PCGF2: variants seen among roughly 807,000 people sequenced by gnomAD.
The protein encoded by PCGF2 is polycomb group RING finger protein 2.
Under a neutral mutation model 36.1 loss-of-function variants are expected in PCGF2, and 8 were observed. That is an observed-to-expected ratio of 0.22 (90% CI 0.13 to 0.40). PCGF2 has a LOEUF of 0.40. Ranked by LOEUF, PCGF2 falls within the 10% of genes least tolerant of loss-of-function variation. The pLI is 1.00. For missense variants in PCGF2, 436 were observed against 475.9 expected (o/e 0.92, Z 0.78); for synonymous variants, 198 against 191.2 (o/e 1.04, Z -0.29).
At chr17:38,749,346 G>T (rs1907770617), upstream of PCGF2, 2 of 244,446 alleles carry the variant, frequency 8.2e-6, no homozygotes, top group Non-Finnish European at 1.7e-5. The surrounding 1 kb of genome is among the most constrained non-coding windows in gnomAD (Gnocchi z 6.5). Flanking sequence ...GACTCCCACT[G>T]GCGCCCCGGC....
chr17:38,749,114 G>A (rs931512210), upstream of PCGF2, among the ~76,000 whole-genome samples: 2 of 152,228 alleles, frequency 1.3e-5, no homozygotes, highest in Admixed American at 6.5e-5. The surrounding 1 kb of genome is among the most constrained non-coding windows in gnomAD (Gnocchi z 6.5). Flanking sequence ...GCTGAGGATG[G>A]GAACTCAGGC....
At chr17:38,740,497 C>A in intron 2 of PCGF2, 55 bp from the exon 3 acceptor site, 3 of 1,370,052 alleles carry the variant, frequency 2.2e-6, no homozygotes, top group African/African-American at 1.4e-5. Flanking sequence ...CGGTGGTTCA[C>A]GCCTGTAATC....
chr17:38,738,224 C>A (rs1261233385), intron 9 of PCGF2, 129 bp downstream of exon 9: 2 of 750,972 alleles, frequency 2.7e-6, no homozygotes, highest in East Asian at 5.4e-5. Context: ...CTTCTGTTAA[C>A]GCATGGGCTC....
intron 2 of PCGF2, among the ~76,000 whole-genome samples, chr17:38,744,636 A>G (rs1366145904): frequency 6.6e-6 from 1 of 152,032 alleles, no homozygotes; most frequent in Non-Finnish European, 1.5e-5. Context: ...GATTACAGGC[A>G]TGAGCCACCA....
Position 38,735,346 on chromosome 17 carries a change from C to G in PCGF2, c.912G>C (p.Ser304=), listed in dbSNP as rs999482989. 8 of 1,556,302 alleles carry G rather than the reference C, an allele frequency of 5.1e-6. No individual in the cohort carries two copies. In the African/African-American group the frequency reaches 8.1e-5, roughly 16 times the overall value. The part of the protein sequence containing the change: ...ATHPTSPTPP[S]TASGATTAAN... Reference sequence around the variant, plus strand: ...CAGCTGTGGTGGCCCCACTGGCTGTCGAAGGGGGAGTGGGGGAGGTAGGGT... The same window carrying G: ...CAGCTGTGGTGGCCCCACTGGCTGTGGAAGGGGGAGTGGGGGAGGTAGGGT... Residue 304 remains serine (S), a synonymous_variant, in exon 11 of 11, where the codon TCG becomes TCC. Transcript: ENST00000620225.
At chr17:38,740,491 G>A (rs1029441272) in intron 2 of PCGF2, 49 bp from the exon 3 acceptor site, 9 of 1,424,294 alleles carry the variant, frequency 6.3e-6, no homozygotes, top group Admixed American at 2.1e-5. Context: ...CGGGCGCGGT[G>A]GTTCACGCCT....
chr17:38,736,431 C>A (rs140447622), intron 9 of PCGF2, among the ~76,000 whole-genome samples: 7 of 152,312 alleles, frequency 4.6e-5, no homozygotes, highest in East Asian at 3.9e-4. Flanking sequence ...CTGTCTGGGT[C>A]TCCTATCTCT....
Position 38,735,089 on chromosome 17 carries a change from ATT to A in PCGF2, c.*132_*133del. 5.6e-6 allele frequency: 3 copies of A among 531,776 alleles called. No individual in the cohort carries two copies. Among genetic ancestry groups the A allele is most frequent in the Non-Finnish European group, 9.3e-6 (3 of 322,630 alleles). The allele number at this position is 531,776 out of a possible 1,614,324, so 32.9% of individuals were successfully genotyped here. On this transcript the variant is annotated 3_prime_UTR_variant, in exon 11 of 11. Transcript: ENST00000620225. ...TTTTCCTATGTACATATATATATATATTTATTTATAAAACCCGCCCCCCACCC... is the reference window on the plus strand; with the variant it reads ...TTTTCCTATGTACATATATATATATATATTTATAAAACCCGCCCCCCACCC...
chr17:38,748,935 C>T (rs571466610), upstream of PCGF2, among the ~76,000 whole-genome samples: 1 of 152,176 alleles, frequency 6.6e-6, no homozygotes, highest in African/African-American at 2.4e-5. Flanking sequence ...GCGCTGGCCC[C>T]GAAAAGCGGC....
chr17:38,734,205 G>A lies in PCGF2; in HGVS notation c.*1018C>T, dbSNP rs1229959423. On this transcript the variant is annotated 3_prime_UTR_variant, in exon 11 of 11. Coordinates refer to ENST00000620225, the MANE Select transcript of PCGF2 (RefSeq NM_007144.3). The stretch of plus-strand genomic sequence containing the variant: ...AGAGCTTACAGGTTTCTGTCTTCTT[G>A]TGCTTTTAGATGCAGTTGCTCTGTC... 1.3e-5 allele frequency: 2 copies of A among 152,568 alleles called. No individual in the cohort carries two copies. Among genetic ancestry groups the A allele is most frequent in the African/African-American group, 2.4e-5 (1 of 41,420 alleles). 9.5% of individuals were successfully genotyped at this position (152,568 alleles called of 1,614,324 possible). A position where few individuals can be genotyped will look rare whatever the true frequency, so the allele number is the denominator to read the frequency against.
At position 38,739,987 on chromosome 17, in the gene PCGF2, C is replaced by A. The variant is rs1192288905; in HGVS notation, c.112+304G>T. On this transcript the variant is annotated intron_variant, in intron 3 of 10. Coordinates refer to ENST00000620225, the MANE Select transcript of PCGF2 (RefSeq NM_007144.3). The surrounding 1 kb of genome is among the most constrained non-coding windows in gnomAD (Gnocchi z 4.0). ...TTCAAGATGCCTCTGAGTCCCACCC[C>A]CCTGCTGCCAAGCCCACAGTGCAAA... Among the ~76,000 whole-genome samples the A allele has an allele frequency of 6.6e-6, 1 of 152,162 alleles. No individual in the cohort carries two copies. The highest frequency in any genetic ancestry group is 1.9e-4 in the East Asian group (1 of 5,194).
At position 38,747,885 on chromosome 17, in the gene PCGF2, AC is replaced by A. The variant is rs2143167870; in HGVS notation, c.-48del. On this transcript the variant is annotated 5_prime_UTR_variant, in exon 2 of 11. Transcript: ENST00000620225. ...GGACCTTCCCCCTCGCTACCTCGGA[AC>A]AGGGTCTGCCCGGGGGCTGCTGCAC... The A allele has an allele frequency of 6.5e-6, 1 of 152,804 alleles. No individual in the cohort carries two copies. The highest frequency in any genetic ancestry group is 2.4e-5 in the African/African-American group (1 of 41,580). The allele number at this position is 152,804 out of a possible 1,614,324, so 9.5% of individuals were successfully genotyped here.
chr17:38,738,250 C>T lies in PCGF2; in HGVS notation c.576+103G>A, dbSNP rs573114026. 156 of 969,680 alleles carry T rather than the reference C, an allele frequency of 1.6e-4. No individual in the cohort carries two copies. The South Asian group carries it at 2.0e-3, about 13-fold the overall frequency. 60.1% of individuals were successfully genotyped at this position (969,680 alleles called of 1,614,324 possible). A position where few individuals can be genotyped will look rare whatever the true frequency, so the allele number is the denominator to read the frequency against. On this transcript the variant is annotated intron_variant, in intron 9 of 10. Transcript: ENST00000620225. ...GCATGGGCTCAGTTAACCGCGCAAG[C>T]CCTGGGTGACACCTAGCCAGCTCTG...
rs1242899841 is a variant in PCGF2, at chr17:38,739,400, G to C, written c.210-147C>G. 1.1e-6 allele frequency: 1 copy of C among 911,000 alleles called. No individual in the cohort carries two copies. The highest frequency in any genetic ancestry group is 1.8e-6 in the Non-Finnish European group (1 of 564,550). 56.4% of individuals were successfully genotyped at this position (911,000 alleles called of 1,614,324 possible). ...TAGGATCCCTGTGGGTCTGGTCTTT[G>C]CCCCTCTAGTATGCCTCACCCTGTG... On this transcript the variant is annotated intron_variant, in intron 4 of 10. Transcript: ENST00000620225. This position sits in a 1 kb window ranked among gnomAD's most constrained non-coding sequence, Gnocchi z 4.0.
At chr17:38,746,763 G>A (rs1907559818) in intron 2 of PCGF2, 1 of 152,234 alleles carries the variant, frequency 6.6e-6, no homozygotes, top group Non-Finnish European at 1.5e-5. Flanking sequence ...GGATCCTGGG[G>A]TTGGTTTCCT....
At chr17:38,740,686 G>A (rs1907145087) in intron 2 of PCGF2, among the ~76,000 whole-genome samples, 1 of 152,154 alleles carries the variant, frequency 6.6e-6, no homozygotes, top group Non-Finnish European at 1.5e-5. Flanking sequence ...GTGAACCCGG[G>A]AGGCGGAGCT....
chr17:38,740,297 GC>G lies in PCGF2; in HGVS notation c.105del (p.His36IlefsTer32). ...TCCCCTCCCCCCAACTCACAGGAAT[GC>G]AGGCACTCCACGATAGTGGTGGCGT... ...FIDATTIVEC[L>X]HSFCKTCIVR... On this transcript the variant is annotated frameshift_variant, in exon 3 of 11. Coordinates refer to ENST00000620225, the MANE Select transcript of PCGF2 (RefSeq NM_007144.3). LOFTEE classifies it high-confidence loss of function. The G allele has an allele frequency of 6.2e-7, 1 of 1,612,640 alleles. No homozygotes were observed.
At chr17:38,738,230 G>T in intron 9 of PCGF2, 123 bp downstream of exon 9, 1 of 784,760 alleles carries the variant, frequency 1.3e-6, no homozygotes, top group Non-Finnish European at 2.1e-6. Flanking sequence ...TTAACGCATG[G>T]GCTCAGTTAA....
chr17:38,739,645 G>T lies in PCGF2; in HGVS notation c.150C>A (p.Asn50Lys). The T allele has an allele frequency of 6.2e-7, 1 of 1,614,120 alleles. No homozygotes were observed. The highest frequency in any genetic ancestry group is 8.5e-7 in the Non-Finnish European group (1 of 1,179,982). ...KTCIVRYLET[N>K]KYCPMCDVQV... is the part of the protein sequence containing the mutation. ...GCACGTCACACATGGGGCAGTATTT[G>T]TTGGTCTCCAGGTAGCGCACGATGC... Residue 50 changes from asparagine to lysine, a missense_variant, in exon 4 of 11, where the codon AAC (asparagine) becomes AAA (lysine). By Grantham distance (94) the Asn-to-Lys change is moderately conservative. Around this residue, in one of 3 missense-constraint regions of PCGF2, gnomAD observed 189 missense variants for 219.3 expected, o/e 0.86. Transcript: ENST00000620225. This position sits in a 1 kb window ranked among gnomAD's most constrained non-coding sequence, Gnocchi z 4.0.
Sources: allele counts gnomAD v4.1 joint callset (sites outside exome capture counted in the v4.1 genomes callset), GRCh38; gene constraint gnomAD v4.1.1; regional missense constraint gnomAD v4.1.1; non-coding constraint Gnocchi (gnomAD v3.1); transcripts MANE v1.5; gene names NCBI Gene and HGNC (gene_info 2026-07-23, HGNC 2026-07-21).